Variants in SNAP47 observed in about 807,000 individuals in gnomAD.
SNAP47 encodes synaptosome associated protein 47, also known as synaptosomal-associated protein 47.
Under a neutral mutation model 31.4 loss-of-function variants are expected in SNAP47, and 20 were observed. The observed-to-expected ratio is 0.64, with a 90% CI of 0.45 to 0.93. The LOEUF is 0.93. Among genes scored for constraint, SNAP47 ranks in the 40% least tolerant of loss-of-function variants. The pLI is 0.00. For missense variants in SNAP47, 492 were observed against 528.5 expected, an observed-to-expected ratio of 0.93 and a Z score of 0.68; for synonymous variants, 194 against 213.4, an observed-to-expected ratio of 0.91 and a Z score of 0.79.
chr1:227,756,802 G>A (rs146575427), intron 2 of SNAP47, among the ~76,000 whole-genome samples: 58 of 152,336 alleles, frequency 3.8e-4, no homozygotes, highest in African/African-American at 1.1e-3. Flanking sequence ...CCAAGTTACC[G>A]TGCACAGCAC....
upstream of SNAP47, chr1:227,733,368 C>T (rs1660801987): frequency 3.2e-6 from 5 of 1,549,798 alleles, no homozygotes; most frequent in East Asian, 9.1e-5. Flanking sequence ...CTGCCGTCTT[C>T]CTGCAGGAAG....
intron 3 of SNAP47, among the ~76,000 whole-genome samples, chr1:227,765,644 G>A (rs907669476): frequency 6.6e-6 from 1 of 152,204 alleles, no homozygotes; most frequent in African/African-American, 2.4e-5. Flanking sequence ...TGAAGAGTGG[G>A]ATAGGAAAAC....
upstream of SNAP47, chr1:227,735,047 C>A (rs1660986869): frequency 6.4e-7 from 1 of 1,555,332 alleles, no homozygotes; most frequent in Non-Finnish European, 8.7e-7. Context: ...GTCGGGCCTC[C>A]CCGCGGGCGT....
Position 227,741,699 on chromosome 1 carries a change from G to A in SNAP47, c.-45-5993G>A, listed in dbSNP as rs955973688. On this transcript the variant is annotated intron_variant, in intron 1 of 4. Transcript: ENST00000617596. This position sits in a 1 kb window ranked among gnomAD's most constrained non-coding sequence, Gnocchi z 4.2. ...GGGACCACGTTCTCCTGTGGCCTCT[G>A]TGTGGGGCCAGGCGTGTCGTCGGGT... 6.6e-6 allele frequency among the ~76,000 whole-genome samples: 1 copy of A among 152,250 alleles called. No individual in the cohort carries two copies. Among genetic ancestry groups the A allele is most frequent in the Admixed American group, 6.5e-5 (1 of 15,306 alleles).
intron 3 of SNAP47, among the ~76,000 whole-genome samples, chr1:227,765,703 C>T (rs1451601898): frequency 6.6e-6 from 1 of 152,182 alleles, no homozygotes; most frequent in Non-Finnish European, 1.5e-5. Context: ...AAGGGAGCCC[C>T]TTACTTCCCA....
chr1:227,771,143 G>C (rs999120521), intron 4 of SNAP47, among the ~76,000 whole-genome samples: 2 of 152,150 alleles, frequency 1.3e-5, no homozygotes, highest in Non-Finnish European at 2.9e-5. Flanking sequence ...CTCCACTCAG[G>C]CTCTCAGCGT....
chr1:227,728,495 T>C (rs1221641604), upstream of SNAP47: 1 of 52,274 alleles, frequency 1.9e-5, no homozygotes, highest in African/African-American at 7.2e-5. Context: ...CCGCCCCACC[T>C]GGCTCTCCCG....
At chr1:227,744,858 G>A (rs1661856450) in intron 1 of SNAP47, among the ~76,000 whole-genome samples, 1 of 152,336 alleles carries the variant, frequency 6.6e-6, no homozygotes, top group Non-Finnish European at 1.5e-5. Flanking sequence ...GGAGCGCCCT[G>A]CTGACCTCAT....
chr1:227,735,423 G>T, upstream of SNAP47: 1 of 1,540,502 alleles, frequency 6.5e-7, no homozygotes, highest in South Asian at 1.2e-5. Context: ...CGCGCGGCTC[G>T]CCGCGGTCTT....
chr1:227,765,834 C>A (rs1663357060), intron 3 of SNAP47, among the ~76,000 whole-genome samples: 1 of 152,172 alleles, frequency 6.6e-6, no homozygotes, highest in Non-Finnish European at 1.5e-5. Flanking sequence ...GCTGGTCCTT[C>A]TCTGCTCAGC....
intron 4 of SNAP47, among the ~76,000 whole-genome samples, chr1:227,775,023 G>A (rs1046711920): frequency 2.0e-5 from 3 of 152,220 alleles, no homozygotes; most frequent in African/African-American, 7.2e-5. Flanking sequence ...CAGCGAGGCC[G>A]CCGTGCTCAT....
upstream of SNAP47, chr1:227,734,306 A>C (rs1053621566): frequency 1.8e-5 from 7 of 390,956 alleles, no homozygotes; most frequent in Non-Finnish European, 3.1e-5. Context: ...ACCTGAGCTC[A>C]GGAGTTCAAG....
At chr1:227,744,311 A>G (rs1661815150) in intron 1 of SNAP47, among the ~76,000 whole-genome samples, 1 of 151,872 alleles carries the variant, frequency 6.6e-6, no homozygotes, top group Non-Finnish European at 1.5e-5. Flanking sequence ...GGTGATCTGG[A>G]CTGATCTACA....
chr1:227,759,701 T>C, intron 3 of SNAP47: 4 of 616,846 alleles, frequency 6.5e-6, no homozygotes, highest in Non-Finnish European at 8.4e-6. Context: ...GAGAGTTAAC[T>C]GTACACTTGA....
chr1:227,762,652 G>A lies in SNAP47; in HGVS notation c.988+3167G>A, dbSNP rs534002436. Among the ~76,000 whole-genome samples the A allele has an allele frequency of 1.3e-5, 2 of 152,198 alleles. No homozygotes were observed. The highest frequency in any genetic ancestry group is 2.9e-5 in the Non-Finnish European group (2 of 68,026). ...GGGCGCTTGTCAGGGAGGGACACCCGGGGCGGGGAGCCTTTCCAGAGACCT... is the reference window on the plus strand; with the variant it reads ...GGGCGCTTGTCAGGGAGGGACACCCAGGGCGGGGAGCCTTTCCAGAGACCT... On this transcript the variant is annotated intron_variant, in intron 3 of 4. Transcript: ENST00000617596. The surrounding 1 kb of genome is among the most constrained non-coding windows in gnomAD (Gnocchi z 4.2).
At chr1:227,743,226 C>T (rs1017207733) in intron 1 of SNAP47, among the ~76,000 whole-genome samples, 9 of 152,182 alleles carry the variant, frequency 5.9e-5, no homozygotes, top group African/African-American at 1.2e-4. Flanking sequence ...CTAGGAAGGG[C>T]GGCTCTGGCC....
intron 1 of SNAP47, among the ~76,000 whole-genome samples, chr1:227,729,047 G>T (rs1290809811): frequency 6.6e-6 from 1 of 152,380 alleles, no homozygotes; most frequent in East Asian, 1.9e-4. Context: ...GGGGCCCCAG[G>T]TGGGGTCTAT....
chr1:227,767,567 G>C (rs995116179), intron 4 of SNAP47, among the ~76,000 whole-genome samples: 5 of 146,992 alleles, frequency 3.4e-5, no homozygotes, highest in African/African-American at 1.2e-4. Flanking sequence ...TGTGTGTGTT[G>C]TGTGTGTATG....
Position 227,775,483 on chromosome 1 carries a change from C to T in SNAP47, c.1114-5044C>T, listed in dbSNP as rs575495519. 2.0e-5 allele frequency among the ~76,000 whole-genome samples: 3 copies of T among 152,248 alleles called. No individual in the cohort carries two copies. In the East Asian group the frequency reaches 5.8e-4, roughly 29 times the overall value. ...TGTGCCGCACTCCGGCGTCGCGAGGCGAGCCAGAGCAGACATGTCCCATGG... is the reference window on the plus strand; with the variant it reads ...TGTGCCGCACTCCGGCGTCGCGAGGTGAGCCAGAGCAGACATGTCCCATGG... On this transcript the variant is annotated intron_variant, in intron 4 of 4. Transcript: ENST00000617596.
Sources: allele counts gnomAD v4.1 joint callset (sites outside exome capture counted in the v4.1 genomes callset), GRCh38; gene constraint gnomAD v4.1.1; non-coding constraint Gnocchi (gnomAD v3.1); transcripts MANE v1.5; gene names NCBI Gene and HGNC (gene_info 2026-07-23, HGNC 2026-07-21).